The following LTN1 variants were observed in gnomAD, a reference collection of about 807,000 sequenced individuals.
LTN1 encodes E3 ubiquitin-protein ligase listerin.
A neutral mutation model predicts 201.2 loss-of-function variants in LTN1; 88 were observed. The ratio of observed to expected loss-of-function variants is 0.44; its 90% CI spans 0.37 to 0.52. LTN1 has a LOEUF of 0.52. Ranked by LOEUF, LTN1 falls within the 20% of genes least tolerant of loss-of-function variation. LTN1 has a pLI of 0.00. For synonymous variants in LTN1, 645 were observed against 713.5 expected, an observed-to-expected ratio of 0.90 and a Z score of 1.53; for missense variants, 1,752 against 2,038.7, an observed-to-expected ratio of 0.86 and a Z score of 2.71.
At chr21:28,988,327 C>T (rs768677369) in intron 1 of LTN1, among the ~76,000 whole-genome samples, 3 of 151,846 alleles carry the variant, frequency 2.0e-5, no homozygotes, top group Non-Finnish European at 4.4e-5. Context: ...ATTAGCCAGG[C>T]GTGGTGGCAT....
intron 6 of LTN1, among the ~76,000 whole-genome samples, chr21:28,980,020 T>G (rs1188321095): frequency 6.6e-6 from 1 of 152,112 alleles, no homozygotes; most frequent in African/African-American, 2.4e-5. Flanking sequence ...TTTGTGGACA[T>G]GCATAGAATG....
At chr21:28,950,121 C>T (rs2084370961) in intron 18 of LTN1, among the ~76,000 whole-genome samples, 1 of 152,114 alleles carries the variant, frequency 6.6e-6, no homozygotes, top group South Asian at 2.1e-4. Context: ...CTAAGTTTTT[C>T]AAAAACTGCT....
chr21:28,988,453 C>A (rs1264668911), intron 1 of LTN1, among the ~76,000 whole-genome samples: 7 of 145,472 alleles, frequency 4.8e-5, no homozygotes, highest in Non-Finnish European at 8.9e-5. Flanking sequence ...GGCAACAGAG[C>A]GAGGCTCTGT....
Position 28,932,604 on chromosome 21 carries a change from T to C in LTN1, c.4936A>G (p.Ile1646Val). The C allele has an allele frequency of 1.2e-6, 2 of 1,613,772 alleles. No homozygotes were observed. Among genetic ancestry groups the C allele is most frequent in the Non-Finnish European group, 8.5e-7 (1 of 1,179,684 alleles). The change falls in exon 28 of 30, where the codon ATT (isoleucine) becomes GTT (valine). Residue 1646 changes from isoleucine (I) to valine (V), a missense_variant. Physicochemically the swap from Ile to Val is conservative, Grantham distance 29. Coordinates refer to ENST00000361371, the MANE Select transcript of LTN1 (RefSeq NM_015565.3). ...MATYTIEDIV[I>V]ELIIQLPSNY... ...GAAGGCAGTTGTATTATAAGTTCAA[T>C]AACTATGTCCTCAATAGTATAAGTA...
chr21:28,950,960 G>A (rs996735708), intron 18 of LTN1, among the ~76,000 whole-genome samples: 1 of 152,204 alleles, frequency 6.6e-6, no homozygotes, highest in Admixed American at 6.5e-5. Flanking sequence ...TAATGAAACT[G>A]TTCTGGACTT....
chr21:28,983,289 T>C (rs182074888), intron 4 of LTN1, among the ~76,000 whole-genome samples: 102 of 152,340 alleles, frequency 6.7e-4, no homozygotes, highest in Admixed American at 1.4e-3. Flanking sequence ...ACAAATTTAT[T>C]TTCTAAAGCC....
chr21:28,978,937 T>C (rs1283363079), intron 6 of LTN1, among the ~76,000 whole-genome samples: 1 of 152,208 alleles, frequency 6.6e-6, no homozygotes, highest in Non-Finnish European at 1.5e-5. Flanking sequence ...CCTATTAGGC[T>C]GATGAAAAAT....
chr21:28,928,599 G>A lies in LTN1; in HGVS notation c.*1849C>T, dbSNP rs559162498. 2 of 152,084 alleles carry A rather than the reference G, an allele frequency of 1.3e-5. No individual in the cohort carries two copies. Among genetic ancestry groups the A allele is most frequent in the African/African-American group, 4.8e-5 (2 of 41,508 alleles). The allele number at this position is 152,084 out of a possible 1,614,324, so 9.4% of individuals were successfully genotyped here. On this transcript the variant is annotated 3_prime_UTR_variant, in exon 30 of 30. Coordinates refer to ENST00000361371, the MANE Select transcript of LTN1 (RefSeq NM_015565.3). ...CTTATCTTGTAAAGCTTTTTCTTTA[G>A]TATATAAACAGTTAACAAGCTTTAC... is the stretch of plus-strand genomic sequence containing the variant.
rs2084376457 is a variant in LTN1, at chr21:28,950,869, T to C, written c.3344+1291A>G. Among the ~76,000 whole-genome samples the C allele has an allele frequency of 2.0e-5, 3 of 152,142 alleles. No homozygotes were observed. In the South Asian group the frequency reaches 6.2e-4, roughly 31 times the overall value. ...ATAATTACAAAGAGAGAGAACAGAT[T>C]AGTGGTTGCTAGAGATTAGGACAAT... On this transcript the variant is annotated intron_variant, in intron 18 of 29. Coordinates refer to ENST00000361371, the MANE Select transcript of LTN1 (RefSeq NM_015565.3).
chr21:28,938,263 T>C (rs999022312), intron 25 of LTN1, among the ~76,000 whole-genome samples: 5 of 152,288 alleles, frequency 3.3e-5, no homozygotes, highest in African/African-American at 1.2e-4. Flanking sequence ...TGTAGAAACA[T>C]GTCCGTGATC....
chr21:28,972,835 T>C (rs1004628505), intron 6 of LTN1, among the ~76,000 whole-genome samples: 4 of 151,970 alleles, frequency 2.6e-5, no homozygotes, highest in Non-Finnish European at 4.4e-5. Context: ...CCAAGCAGGA[T>C]ACATAAAGGA....
chr21:28,947,633 T>A, intron 18 of LTN1, 27 bp from the exon 19 acceptor site: 2 of 1,459,406 alleles, frequency 1.4e-6, no homozygotes, highest in Non-Finnish European at 1.8e-6. Context: ...AAAACACAAG[T>A]TAGATTTCTT....
intron 6 of LTN1, among the ~76,000 whole-genome samples, chr21:28,980,138 T>G (rs2084647024): frequency 6.6e-6 from 1 of 152,090 alleles, no homozygotes; most frequent in South Asian, 2.1e-4. Context: ...TTCACAGTAC[T>G]TTTTCAAATT....
Position 28,986,256 on chromosome 21 carries a change from C to T in LTN1, c.247-19G>A, listed in dbSNP as rs1300277914. 7.2e-7 allele frequency: 1 copy of T among 1,390,624 alleles called. No homozygotes were observed. Among genetic ancestry groups the T allele is most frequent in the African/African-American group, 1.4e-5 (1 of 70,600 alleles). 86.1% of individuals were successfully genotyped at this position (1,390,624 alleles called of 1,614,324 possible). ...GCATAGCCTAAAAGTAAGTTATTAACATCATTAGGATTAACAACCATAATA... is the reference window on the plus strand; with the variant it reads ...GCATAGCCTAAAAGTAAGTTATTAATATCATTAGGATTAACAACCATAATA... On this transcript the variant is annotated intron_variant, in intron 2 of 29. Transcript: ENST00000361371. The surrounding 1 kb of genome is among the most constrained non-coding windows in gnomAD (Gnocchi z 4.1).
In LTN1 at chr21:28,984,844, G is replaced by A; in HGVS notation, c.424C>T (p.Pro142Ser). The change falls in exon 4 of 30, where the codon CCC (proline) becomes TCC (serine). Residue 142 changes from proline to serine, a missense_variant. By Grantham distance (74) the Pro-to-Ser change is moderately conservative (BLOSUM62 -1). Around this residue, in one of 3 missense-constraint regions of LTN1, gnomAD observed 280 missense variants for 375.7 expected, o/e 0.75. Coordinates refer to ENST00000361371, the MANE Select transcript of LTN1 (RefSeq NM_015565.3). The part of the protein sequence containing the change: ...LILKVKKQLA[P>S]YLKSLMGYWL... ...TATCCCATTAAACTTTTTAAGTAGG[G>A]AGCCAACTGTTTCTTTACTTTAAGG... 1 of 1,614,048 alleles carries A rather than the reference G, an allele frequency of 6.2e-7. No homozygotes were observed. The highest frequency in any genetic ancestry group is 8.5e-7 in the Non-Finnish European group (1 of 1,179,978).
chr21:28,942,055 T>TG (rs1034479793), intron 24 of LTN1, among the ~76,000 whole-genome samples: 1 of 152,182 alleles, frequency 6.6e-6, no homozygotes, highest in Non-Finnish European at 1.5e-5. Context: ...GTAAAATACT[T>TG]AACTCTCTTC....
intron 6 of LTN1, among the ~76,000 whole-genome samples, chr21:28,976,542 G>A (rs2084616431): frequency 6.6e-6 from 1 of 150,828 alleles, no homozygotes; most frequent in African/African-American, 2.4e-5. Flanking sequence ...AGAGGTTGCA[G>A]TGAGCCAAGA....
chr21:28,936,041 C>T (rs1326174290), intron 26 of LTN1, among the ~76,000 whole-genome samples: 1 of 152,116 alleles, frequency 6.6e-6, no homozygotes, highest in Admixed American at 6.5e-5. Flanking sequence ...TGCTGAACTG[C>T]TGTGCAGAAG....
chr21:28,946,335 C>T lies in LTN1; in HGVS notation c.3488-48G>A, dbSNP rs199725998. The T allele has an allele frequency of 4.3e-3, 5,517 of 1,284,874 alleles. 27 individuals carry two copies. Among genetic ancestry groups the T allele is most frequent in the Non-Finnish European group, 5.2e-3 (4,927 of 945,620 alleles). 79.6% of individuals were successfully genotyped at this position (1,284,874 alleles called of 1,614,324 possible). A position where few individuals can be genotyped will look rare whatever the true frequency, so the allele number is the denominator to read the frequency against. On this transcript the variant is annotated intron_variant, in intron 19 of 29. Coordinates refer to ENST00000361371, the MANE Select transcript of LTN1 (RefSeq NM_015565.3). ...AATTAAAAATATTTAAGAACTATAT[C>T]GCTACTATTAAAAAAAAGTCCACTT... is the stretch of plus-strand genomic sequence containing the variant.
Sources: gnomAD v4.1 joint callset for allele counts (sites outside exome capture counted in the v4.1 genomes callset) on GRCh38, gnomAD v4.1.1 for gene constraint, gnomAD v4.1.1 regional missense constraint, Gnocchi (gnomAD v3.1) non-coding constraint, MANE v1.5 for transcripts, NCBI Gene and HGNC (gene_info 2026-07-23, HGNC 2026-07-21) for gene names.